Variants in PLEC observed in about 807,000 individuals in gnomAD.
PLEC encodes plectin.
A neutral mutation model predicts 392.8 loss-of-function variants in PLEC; 216 were observed. The ratio of observed to expected loss-of-function variants is 0.55; its 90% CI spans 0.49 to 0.62. The LOEUF (loss-of-function observed/expected upper bound fraction) is 0.62, where lower values mean the gene tolerates loss of function less well. Ranked by LOEUF, PLEC falls within the 20% of genes least tolerant of loss-of-function variation. The pLI, the probability that PLEC is intolerant of heterozygous loss-of-function variation, is 0.00. For missense variants in PLEC, 6,863 were observed against 6,563.4 expected (o/e 1.05, Z -1.58); for synonymous variants, 3,621 against 2,980.6 (o/e 1.21, Z -7.00).
At position 143,973,446 on chromosome 8, in the gene PLEC, C is replaced by T; in HGVS notation, c.27G>A (p.Gln9=). Reference sequence around the variant, plus strand: ...CCTCCTCGTAGGCCTGGATGAAGTCCTGCTCGTCGGGCAGCGGGCCGGCCA... The same window carrying T: ...CCTCCTCGTAGGCCTGGATGAAGTCTTGCTCGTCGGGCAGCGGGCCGGCCA... Residue 9 remains glutamine, a synonymous_variant, in exon 1 of 32, where the codon CAG becomes CAA. Coordinates refer to the PLEC transcript ENST00000356346. This position sits in a 1 kb window ranked among gnomAD's most constrained non-coding sequence, Gnocchi z 5.6. 1 of 1,523,934 alleles carries T rather than the reference C, an allele frequency of 6.6e-7. No individual in the cohort carries two copies. The allele number at this position is 1,523,934 out of a possible 1,614,324, so 94.4% of individuals were successfully genotyped here. A position where few individuals can be genotyped will look rare whatever the true frequency, so the allele number is the denominator to read the frequency against.
At chr8:143,937,412 G>GGGCCA (rs1554724403) in intron 3 of PLEC, among the ~76,000 whole-genome samples, 170 bp from the exon 4 acceptor site, 2 of 152,184 alleles carry the variant, frequency 1.3e-5, no homozygotes, top group Non-Finnish European at 2.9e-5. Context: ...ACCGGCCCAG[G>GGGCCA]GGCCAGGCCA....
At chr8:143,958,259 C>T (rs1000730220), upstream of PLEC, among the ~76,000 whole-genome samples, 4 of 152,138 alleles carry the variant, frequency 2.6e-5, no homozygotes, top group South Asian at 8.3e-4. This position sits in a 1 kb window ranked among gnomAD's most constrained non-coding sequence, Gnocchi z 4.9. Context: ...TGCAGGATTT[C>T]TGGGGTGGAG....
chr8:143,917,749 G>A lies in PLEC; in HGVS notation c.12072C>T (p.Ser4024=), dbSNP rs782758760. 9.3e-6 allele frequency: 15 copies of A among 1,613,396 alleles called. No homozygotes were observed. The highest frequency in any genetic ancestry group is 4.5e-5 in the East Asian group (2 of 44,866). The change falls in exon 32 of 32, where the codon TCC becomes TCT. Residue 4024 remains serine, a synonymous_variant. Coordinates refer to ENST00000345136, the MANE Select transcript of PLEC (RefSeq NM_201384.3). ...GGCCCTTCTTCATGGCCTGGAAGAGGGAGATGAGCTTCCCAGAGTAGGGGT... is the reference window on the plus strand; with the variant it reads ...GGCCCTTCTTCATGGCCTGGAAGAGAGAGATGAGCTTCCCAGAGTAGGGGT... The part of the protein sequence containing the change: ...YKDPYSGKLI[S]LFQAMKKGLI...
chr8:143,944,364 C>G (rs1256054332), upstream of PLEC, among the ~76,000 whole-genome samples: 1 of 152,214 alleles, frequency 6.6e-6, no homozygotes, highest in Non-Finnish European at 1.5e-5. Context: ...CAAGGCTGCC[C>G]TCTGGGGACA....
intron 1 of PLEC, among the ~76,000 whole-genome samples, chr8:143,967,930 C>G (rs1290565581): frequency 2.0e-5 from 3 of 152,154 alleles, no homozygotes; most frequent in Non-Finnish European, 4.4e-5. Context: ...GAGTTCAAGA[C>G]CAGCCTGGCC....
At chr8:143,947,341 G>T (rs1347748509) in intron 1 of PLEC, among the ~76,000 whole-genome samples, 1 of 152,248 alleles carries the variant, frequency 6.6e-6, no homozygotes, top group East Asian at 1.9e-4. Flanking sequence ...CGCTCACCGT[G>T]GTGGCGGCTA....
chr8:143,956,308 G>C (rs550812418), upstream of PLEC, among the ~76,000 whole-genome samples: 1 of 152,202 alleles, frequency 6.6e-6, no homozygotes, highest in African/African-American at 2.4e-5. Context: ...TTGGCCAGGC[G>C]TGGTGGCTGA....
At chr8:143,950,681 C>T (rs782425827) in exon 1 of PLEC, 6 of 1,572,488 alleles carry the variant, frequency 3.8e-6, no homozygotes, top group East Asian at 4.6e-5. Context: ...CAGCTGGTCC[C>T]GTGGCATGAG....
chr8:143,934,685 C>T lies in PLEC; in HGVS notation c.991G>A (p.Ala331Thr), dbSNP rs782338088. Residue 331 changes from alanine (A) to threonine (T), a missense_variant, in exon 10 of 32, where the codon GCC (alanine) becomes ACC (threonine). By Grantham distance (58) the Ala-to-Thr change is moderately conservative (BLOSUM62 0). Coordinates refer to ENST00000345136, the MANE Select transcript of PLEC (RefSeq NM_201384.3). ...FLKFKEMELPAKEADKNRSKG... is the reference protein window; with the variant it reads ...FLKFKEMELPTKEADKNRSKG... The stretch of plus-strand genomic sequence containing the variant: ...GACCTGTTCTTGTCGGCCTCCTTGG[C>T]TGGTAGCTCCATCTCCTTAAACTTC... 5.6e-6 allele frequency: 9 copies of T among 1,612,900 alleles called. No individual in the cohort carries two copies. Among genetic ancestry groups the T allele is most frequent in the Non-Finnish European group, 1.7e-6 (2 of 1,179,970 alleles).
Position 143,927,998 on chromosome 8 carries a change from G to A in PLEC, c.3261-6C>T, listed in dbSNP as rs782430078. 2.8e-5 allele frequency: 45 copies of A among 1,589,822 alleles called. No individual in the cohort carries two copies. Among genetic ancestry groups the A allele is most frequent in the South Asian group, 1.7e-4 (15 of 90,324 alleles). ...CCAGGCTGATGGTCTTGAGCCTGGC[G>A]GGAAAGCGGGGCTCAGGGCCATGAC... is the stretch of plus-strand genomic sequence containing the variant. On this transcript the variant is annotated splice_region_variant and splice_polypyrimidine_tract_variant and intron_variant, in intron 25 of 31. Transcript: ENST00000345136.
chr8:143,944,635 G>T, intron 1 of PLEC: 1 of 1,339,772 alleles, frequency 7.5e-7, no homozygotes, highest in Non-Finnish European at 9.7e-7. Flanking sequence ...GCTTTCAAGG[G>T]CTGCCCACCT....
At chr8:143,950,104 A>T (rs1831972718) in intron 1 of PLEC, 1 of 1,443,600 alleles carries the variant, frequency 6.9e-7, no homozygotes, top group Admixed American at 2.8e-5. Flanking sequence ...CAACCACTCC[A>T]GCCCAGGCCC....
Position 143,920,513 on chromosome 8 carries a change from G to A in PLEC, c.9308C>T (p.Thr3103Ile), listed in dbSNP as rs201848397. 19 of 1,611,004 alleles carry A rather than the reference G, an allele frequency of 1.2e-5. No homozygotes were observed. The African/African-American group carries it at 2.1e-4, about 18-fold the overall frequency. The change falls in exon 32 of 32, where the codon ACA (threonine) becomes ATA (isoleucine). Residue 3103 changes from threonine to isoleucine, a missense_variant. Physicochemically the swap from Thr to Ile is moderately conservative, Grantham distance 89. Coordinates refer to ENST00000345136, the MANE Select transcript of PLEC (RefSeq NM_201384.3). ...EKLLSAEKAV[T>I]GYRDPYTGQS... The stretch of plus-strand genomic sequence containing the variant: ...CCCTGTGTAGGGGTCCCTGTACCCT[G>A]TCACAGCCTTCTCGGCTGATAGCAG...
rs1005945884 is a variant in PLEC at position 143,969,926 on chromosome 8, G to T, written c.70+3477C>A. On this transcript the variant is annotated intron_variant, in intron 1 of 31. Coordinates refer to the PLEC transcript ENST00000356346. The surrounding 1 kb of genome is among the most constrained non-coding windows in gnomAD (Gnocchi z 5.1). ...AGGGGTGGGAGGCCTGCATTGGTCTGGGGGAAAAGCGGGCCTGGAGAGGGG... is the reference window on the plus strand; with the variant it reads ...AGGGGTGGGAGGCCTGCATTGGTCTTGGGGAAAAGCGGGCCTGGAGAGGGG... 1.3e-5 allele frequency among the ~76,000 whole-genome samples: 2 copies of T among 151,986 alleles called. No homozygotes were observed. The highest frequency in any genetic ancestry group is 3.9e-4 in the East Asian group (2 of 5,176).
chr8:143,965,171 G>A (rs1312876593), intron 1 of PLEC, among the ~76,000 whole-genome samples: 1 of 152,034 alleles, frequency 6.6e-6, no homozygotes, highest in Non-Finnish European at 1.5e-5. Flanking sequence ...TGGGTCTGCC[G>A]CTACTCCTGG....
intron 2 of PLEC, 65 bp downstream of exon 2, chr8:143,938,565 GC>G: frequency 6.4e-7 from 1 of 1,572,132 alleles, no homozygotes. Flanking sequence ...GGCGGCAGGG[GC>G]CACCCTCCCT....
rs782376231 is a variant in PLEC at position 143,933,039 on chromosome 8, C to T, written c.1491G>A (p.Ala497=). 1.2e-5 allele frequency: 19 copies of T among 1,595,874 alleles called. No individual in the cohort carries two copies. The highest frequency in any genetic ancestry group is 1.8e-4 in the Middle Eastern group (1 of 5,566). The change falls in exon 14 of 32, where the codon GCG becomes GCA. Residue 497 remains alanine, a synonymous_variant. Transcript: ENST00000345136. Reference sequence around the variant, plus strand: ...CCTGGGCCACCTGGGTTGCAGGGGCCGCCACGCCTGCCTTCAGCCGTAGGT... The same window carrying T: ...CCTGGGCCACCTGGGTTGCAGGGGCTGCCACGCCTGCCTTCAGCCGTAGGT... ...EYNLRLKAGV[A]APATQVAQVT... is the part of the protein sequence containing the mutation.
Position 143,920,624 on chromosome 8 carries a change from T to A in PLEC, c.9197A>T (p.His3066Leu), listed in dbSNP as rs782304759. The change falls in exon 32 of 32, where the codon CAC (histidine) becomes CTC (leucine). Residue 3066 changes from histidine to leucine, a missense_variant. Transcript: ENST00000345136. ...GGCGCTGGTGGCGGGGTCGATGATG[T>A]GCCCGGTGCCGGCCTGGGCTTCCAA... ...ALLEAQAGTG[H>L]IIDPATSARL... 2 of 1,607,066 alleles carry A rather than the reference T, an allele frequency of 1.2e-6. No homozygotes were observed.
upstream of PLEC, among the ~76,000 whole-genome samples, chr8:143,955,833 C>T (rs1436902248): frequency 6.6e-6 from 1 of 151,986 alleles, no homozygotes; most frequent in Non-Finnish European, 1.5e-5. Flanking sequence ...CTCCTGGGCT[C>T]AAGCAATCCT....
Sources: gnomAD v4.1 joint callset for allele counts (sites outside exome capture counted in the v4.1 genomes callset) on GRCh38, gnomAD v4.1.1 for gene constraint, Gnocchi (gnomAD v3.1) non-coding constraint, MANE v1.5 for transcripts, NCBI Gene and HGNC (gene_info 2026-07-23, HGNC 2026-07-21) for gene names.